ERBB2: variants seen among roughly 807,000 people sequenced by gnomAD.
ERBB2 encodes receptor tyrosine-protein kinase erbB-2.
In ERBB2, 61 loss-of-function variants were observed where a neutral mutation model predicts 149.0. The observed-to-expected ratio is 0.41, with a 90% CI of 0.33 to 0.51. The LOEUF is 0.51. Ranked by LOEUF, ERBB2 falls within the 20% of genes least tolerant of loss-of-function variation. The pLI, the probability that ERBB2 is intolerant of heterozygous loss-of-function variation, is 0.25. For missense variants in ERBB2, 1,205 were observed against 1,655.1 expected, an observed-to-expected ratio of 0.73 and a Z score of 4.72; for synonymous variants, 633 against 678.8, an observed-to-expected ratio of 0.93 and a Z score of 1.05.
In ERBB2 at chr17:39,719,818, G is replaced by A. The variant is rs750665964; in HGVS notation, c.1930G>A (p.Ala644Thr). The A allele has an allele frequency of 1.5e-5, 24 of 1,614,110 alleles. No homozygotes were observed. Among genetic ancestry groups the A allele is most frequent in the African/African-American group, 2.7e-5 (2 of 75,020 alleles). ...CVDLDDKGCP[A>T]EQRASPLTSI... is the part of the protein sequence containing the mutation. The stretch of plus-strand genomic sequence containing the variant: ...GGACCTGGATGACAAGGGCTGCCCC[G>A]CCGAGCAGAGAGCCAGGTTGGCCTG... The change falls in exon 16 of 27, where the codon GCC becomes ACC. Residue 644 changes from alanine to threonine, a missense_variant. By Grantham distance (58) the Ala-to-Thr change is moderately conservative. Around this residue, in one of 6 missense-constraint regions of ERBB2, gnomAD observed 569 missense variants for 803.5 expected, o/e 0.71. Coordinates refer to ENST00000269571, the MANE Select transcript of ERBB2 (RefSeq NM_004448.4).
chr17:39,697,118 A>G (rs1167528276), upstream of ERBB2, among the ~76,000 whole-genome samples: 1 of 152,100 alleles, frequency 6.6e-6, no homozygotes, highest in Non-Finnish European at 1.5e-5. Context: ...TCCTGGGCAA[A>G]TTGCTTACCT....
intron 19 of ERBB2, 124 bp from the exon 20 acceptor site, chr17:39,724,602 C>A (rs2145840653): frequency 1.2e-6 from 1 of 818,954 alleles, no homozygotes; most frequent in South Asian, 1.6e-5. Flanking sequence ...CCATGTTGTC[C>A]AGGCTGGTAC....
At position 39,715,957 on chromosome 17, in the gene ERBB2, G is replaced by C. The variant is rs2145661877; in HGVS notation, c.1513+18G>C. On this transcript the variant is annotated intron_variant, in intron 12 of 26. Coordinates refer to ENST00000269571, the MANE Select transcript of ERBB2 (RefSeq NM_004448.4). ...CGAGTGTGGTAAGACAGGGAGCCCA[G>C]TGTGCGCACTCCCCATCTGCCAGCA... The C allele has an allele frequency of 1.2e-6, 2 of 1,602,770 alleles. No individual in the cohort carries two copies. Among genetic ancestry groups the C allele is most frequent in the Non-Finnish European group, 1.7e-6 (2 of 1,178,718 alleles).
intron 19 of ERBB2, 26 bp downstream of exon 19, chr17:39,724,036 A>C (rs759454895): frequency 7.1e-6 from 11 of 1,549,914 alleles, no homozygotes; most frequent in Non-Finnish European, 8.9e-6. Flanking sequence ...CTCTCCTGCT[A>C]GGAGGACAGG....
In ERBB2 at chr17:39,725,526, GC is replaced by G; in HGVS notation, c.2725+128del. 2 of 1,234,814 alleles carry G rather than the reference GC, an allele frequency of 1.6e-6. No homozygotes were observed. Among genetic ancestry groups the G allele is most frequent in the South Asian group, 1.3e-5 (1 of 74,422 alleles). 76.5% of individuals were successfully genotyped at this position (1,234,814 alleles called of 1,614,324 possible). Reference sequence around the variant, plus strand: ...TGAAGGGAGGGAAGGGGCTGCCTGTGCCCCACCTTGCAGGGTCTGTGCACTT... The same window carrying G: ...TGAAGGGAGGGAAGGGGCTGCCTGTGCCCACCTTGCAGGGTCTGTGCACTT... On this transcript the variant is annotated intron_variant, in intron 22 of 26. Coordinates refer to ENST00000269571, the MANE Select transcript of ERBB2 (RefSeq NM_004448.4). The surrounding 1 kb of genome is among the most constrained non-coding windows in gnomAD (Gnocchi z 4.6).
chr17:39,707,264 C>T, intron 2 of ERBB2, 123 bp downstream of exon 2: 1 of 814,736 alleles, frequency 1.2e-6, no homozygotes. Context: ...GGTTTCTCAA[C>T]CAGGAAGTCC....
chr17:39,723,358 G>T lies in ERBB2; in HGVS notation c.1986G>T (p.Leu662=), dbSNP rs2059553703. Residue 662 remains leucine (L), a synonymous_variant, in exon 17 of 27, where the codon CTG becomes CTT. Coordinates refer to ENST00000269571, the MANE Select transcript of ERBB2 (RefSeq NM_004448.4). This position sits in a 1 kb window ranked among gnomAD's most constrained non-coding sequence, Gnocchi z 6.2. ...TSIISAVVGI[L]LVVVLGVVFG... Reference sequence around the variant, plus strand: ...TCATCTCTGCGGTGGTTGGCATTCTGCTGGTCGTGGTCTTGGGGGTGGTCT... The same window carrying T: ...TCATCTCTGCGGTGGTTGGCATTCTTCTGGTCGTGGTCTTGGGGGTGGTCT... 6.2e-7 allele frequency: 1 copy of T among 1,613,834 alleles called. No homozygotes were observed. Among genetic ancestry groups the T allele is most frequent in the African/African-American group, 1.3e-5 (1 of 74,860 alleles).
At chr17:39,704,122 C>T (rs548880775) in intron 1 of ERBB2, among the ~76,000 whole-genome samples, 1 of 152,298 alleles carries the variant, frequency 6.6e-6, no homozygotes, top group African/African-American at 2.4e-5. Flanking sequence ...CATTCATCCA[C>T]TCATTCATTC....
chr17:39,727,936 C>CT lies in ERBB2; in HGVS notation c.3661dup (p.Tyr1221LeufsTer56). 6.2e-7 allele frequency: 1 copy of CT among 1,614,182 alleles called. No individual in the cohort carries two copies. Among genetic ancestry groups the CT allele is most frequent in the East Asian group, 2.2e-5 (1 of 44,888 alleles). ...CCTTCAGCCCAGCCTTCGACAACCT[C>CT]TATTACTGGGACCAGGACCCACCAG... On this transcript the variant is annotated frameshift_variant, in exon 27 of 27. Coordinates refer to ENST00000269571, the MANE Select transcript of ERBB2 (RefSeq NM_004448.4). LOFTEE classifies it high-confidence loss of function. This position sits in a 1 kb window ranked among gnomAD's most constrained non-coding sequence, Gnocchi z 4.3.
At chr17:39,712,705 A>G (rs564319866) in intron 9 of ERBB2, among the ~76,000 whole-genome samples, 3 of 152,356 alleles carry the variant, frequency 2.0e-5, no homozygotes, top group Non-Finnish European at 2.9e-5. Context: ...CTTTGAGTTC[A>G]TAGCAGCTTT....
At chr17:39,705,745 A>G (rs924539552) in intron 1 of ERBB2, among the ~76,000 whole-genome samples, 4 of 152,046 alleles carry the variant, frequency 2.6e-5, no homozygotes, top group Non-Finnish European at 5.9e-5. Flanking sequence ...ACCCCCTAGG[A>G]TTTGACCTTA....
At chr17:39,701,913 G>A (rs2058133649) in intron 1 of ERBB2, among the ~76,000 whole-genome samples, 1 of 152,122 alleles carries the variant, frequency 6.6e-6, no homozygotes, top group Non-Finnish European at 1.5e-5. Flanking sequence ...TGATGAGAAG[G>A]GTGAGGCCAT....
At chr17:39,691,546 T>TAAAAAAAAAAAAAAAAAAAAA (rs557885708), upstream of ERBB2, among the ~76,000 whole-genome samples, 3 of 108,492 alleles carry the variant, frequency 2.8e-5, no homozygotes, top group African/African-American at 1.5e-4. Context: ...CCATCTACAT[T>TAAAAAAAAAAAAAAAAAAAAA]AAAAAAAAAA....
upstream of ERBB2, among the ~76,000 whole-genome samples, chr17:39,698,321 G>T (rs559873621): frequency 2.0e-5 from 3 of 150,210 alleles, no homozygotes; most frequent in South Asian, 2.1e-4. Context: ...GTGCAGAGGC[G>T]CAATCTCAGC....
intron 9 of ERBB2, 83 bp from the exon 10 acceptor site, chr17:39,715,203 T>G: frequency 1.7e-6 from 2 of 1,148,566 alleles, no homozygotes. Flanking sequence ...GCATTCATGG[T>G]GGGGAGTGGC....
chr17:39,708,615 G>C, intron 3 of ERBB2, 81 bp downstream of exon 3: 1 of 1,131,860 alleles, frequency 8.8e-7, no homozygotes, highest in South Asian at 1.3e-5. Flanking sequence ...GAGGCTTTGT[G>C]TGCATTAGAA....
At chr17:39,718,094 G>C (rs1365608785) in intron 15 of ERBB2, among the ~76,000 whole-genome samples, 1 of 152,206 alleles carries the variant, frequency 6.6e-6, no homozygotes, top group Non-Finnish European at 1.5e-5. Context: ...TTACAGCGGT[G>C]AGCCACCATG....
At position 39,715,436 on chromosome 17, in the gene ERBB2, C is replaced by T. The variant is rs2145637419; in HGVS notation, c.1223-10C>T. The T allele has an allele frequency of 1.2e-6, 2 of 1,614,162 alleles. No individual in the cohort carries two copies. The highest frequency in any genetic ancestry group is 1.1e-5 in the South Asian group (1 of 91,084). ...GTCCCCACTCCTTTAATCTCACCCT[C>T]TGCCTGCAGGTTACCTATACATCTC... is the stretch of plus-strand genomic sequence containing the variant. On this transcript the variant is annotated splice_polypyrimidine_tract_variant and intron_variant, in intron 10 of 26. Coordinates refer to ENST00000269571, the MANE Select transcript of ERBB2 (RefSeq NM_004448.4).
upstream of ERBB2, chr17:39,699,904 G>A: frequency 1.2e-6 from 1 of 842,016 alleles, no homozygotes; most frequent in Non-Finnish European, 1.6e-6. Context: ...CGCGAAGAGA[G>A]GGAGAAAGTG....
Sources: gnomAD v4.1 joint callset for allele counts (sites outside exome capture counted in the v4.1 genomes callset) on GRCh38, gnomAD v4.1.1 for gene constraint, gnomAD v4.1.1 regional missense constraint, Gnocchi (gnomAD v3.1) non-coding constraint, MANE v1.5 for transcripts, NCBI Gene and HGNC (gene_info 2026-07-23, HGNC 2026-07-21) for gene names.